The following CTNND2 variants were observed in gnomAD, a reference collection of about 807,000 sequenced individuals.
The protein encoded by CTNND2 is catenin delta-2.
In CTNND2, 22 loss-of-function variants were observed where a neutral mutation model predicts 144.4. That is an observed-to-expected ratio of 0.15 (90% CI 0.11 to 0.22). The LOEUF is 0.22. Ranked by LOEUF, CTNND2 falls within the 10% of genes least tolerant of loss-of-function variation. CTNND2 has a pLI of 1.00. For synonymous variants in CTNND2, 751 were observed against 695.6 expected (o/e 1.08, Z -1.25); for missense variants, 1,353 against 1,618.8 (o/e 0.84, Z 2.82).
intron 16 of CTNND2, among the ~76,000 whole-genome samples, chr5:11,052,873 G>C (rs1402947450): frequency 6.6e-6 from 1 of 152,016 alleles, no homozygotes; most frequent in Non-Finnish European, 1.5e-5. Flanking sequence ...AACACTTCGG[G>C]TTTGTATATT....
intron 9 of CTNND2, among the ~76,000 whole-genome samples, chr5:11,240,202 C>CCCA (rs1561074036): frequency 3.0e-5 from 4 of 133,502 alleles, no homozygotes; most frequent in African/African-American, 2.8e-5. Context: ...CACACACACA[C>CCCA]ACACCCCCAA....
At chr5:11,180,190 C>G (rs1212209012) in intron 11 of CTNND2, among the ~76,000 whole-genome samples, 1 of 152,010 alleles carries the variant, frequency 6.6e-6, no homozygotes, top group Non-Finnish European at 1.5e-5. Context: ...CTCATGAGAT[C>G]CAGTGGTTTT....
chr5:11,431,860 G>C (rs568291929), intron 3 of CTNND2, among the ~76,000 whole-genome samples: 2 of 152,244 alleles, frequency 1.3e-5, no homozygotes, highest in South Asian at 4.1e-4. Flanking sequence ...GTTTGGTAAA[G>C]AATGGTAGAT....
At chr5:11,249,311 G>A (rs1201590259) in intron 9 of CTNND2, among the ~76,000 whole-genome samples, 14 of 152,200 alleles carry the variant, frequency 9.2e-5, no homozygotes, top group African/African-American at 3.4e-4. Flanking sequence ...TGGGCTTATT[G>A]CTCGTAATAA....
chr5:11,678,474 G>A (rs571678416), intron 2 of CTNND2, among the ~76,000 whole-genome samples: 12 of 152,236 alleles, frequency 7.9e-5, no homozygotes, highest in African/African-American at 2.4e-4. Context: ...CAATGCTGAC[G>A]ATGGAGTCTT....
chr5:11,418,237 T>C (rs1762070550), intron 3 of CTNND2, among the ~76,000 whole-genome samples: 1 of 151,822 alleles, frequency 6.6e-6, no homozygotes, highest in Non-Finnish European at 1.5e-5. Flanking sequence ...AGAAACCCCA[T>C]CTCTACTAAA....
At chr5:11,156,903 A>T (rs1251820168) in intron 12 of CTNND2, among the ~76,000 whole-genome samples, 1 of 152,182 alleles carries the variant, frequency 6.6e-6, no homozygotes, top group Non-Finnish European at 1.5e-5. Context: ...TTATCTCTGG[A>T]AGCAAATTTA....
At chr5:11,799,640 T>TC (rs1480244607) in intron 1 of CTNND2, among the ~76,000 whole-genome samples, 2 of 152,084 alleles carry the variant, frequency 1.3e-5, no homozygotes, top group Non-Finnish European at 2.9e-5. Flanking sequence ...TTATGAAATA[T>TC]CCCCCCCTTG....
At position 11,364,735 on chromosome 5, in the gene CTNND2, G is replaced by C. The variant is rs1037334305; in HGVS notation, c.1333C>G (p.Leu445Val). The change falls in exon 8 of 22, where the codon CTG (leucine) becomes GTG (valine). Residue 445 changes from leucine (L) to valine (V), a missense_variant. By Grantham distance (32) the Leu-to-Val change is conservative. Coordinates refer to ENST00000304623, the MANE Select transcript of CTNND2 (RefSeq NM_001332.4). ...TAGGTGCCGGTGTGTGCTGGCGGCA[G>C]AGGGTCCCCCTGGCTCTGGCTGAGA... Reference protein sequence around the residue: ...RSLSQSQGDPLPPAHTGTYRT... With the variant: ...RSLSQSQGDPVPPAHTGTYRT... 11 of 1,613,882 alleles carry C rather than the reference G, an allele frequency of 6.8e-6. No homozygotes were observed. The highest frequency in any genetic ancestry group is 8.5e-6 in the Non-Finnish European group (10 of 1,179,954).
rs546613959 is a variant in CTNND2 at position 11,333,947 on chromosome 5, G to A, written c.1628+12425C>T. 6.6e-5 allele frequency among the ~76,000 whole-genome samples: 10 copies of A among 152,262 alleles called. No homozygotes were observed. The East Asian group carries it at 9.6e-4, about 15-fold the overall frequency. On this transcript the variant is annotated intron_variant, in intron 9 of 21. Transcript: ENST00000304623. Reference sequence around the variant, plus strand: ...AGAAAGGTGTGAACCCCAGGAGACCGGGGTCATTGCGGCCATCCTACCACA... The same window carrying A: ...AGAAAGGTGTGAACCCCAGGAGACCAGGGTCATTGCGGCCATCCTACCACA...
chr5:11,531,472 A>G (rs1445636053), intron 3 of CTNND2, among the ~76,000 whole-genome samples: 1 of 152,124 alleles, frequency 6.6e-6, no homozygotes, highest in African/African-American at 2.4e-5. Context: ...CTAAAAATAC[A>G]AAAATTACCC....
intron 8 of CTNND2, among the ~76,000 whole-genome samples, chr5:11,359,226 A>G (rs1756199496): frequency 6.6e-6 from 1 of 152,212 alleles, no homozygotes; most frequent in Non-Finnish European, 1.5e-5. Context: ...ATCTCACATG[A>G]AATGTATATT....
At chr5:11,691,763 T>G (rs1298223492) in intron 2 of CTNND2, among the ~76,000 whole-genome samples, 1 of 152,072 alleles carries the variant, frequency 6.6e-6, no homozygotes, top group Non-Finnish European at 1.5e-5. Context: ...GGATGTGGTG[T>G]TGTGCACATG....
chr5:11,766,578 T>C (rs568309686), intron 1 of CTNND2, among the ~76,000 whole-genome samples: 1 of 152,308 alleles, frequency 6.6e-6, no homozygotes, highest in East Asian at 1.9e-4. Context: ...CACATAGAAC[T>C]GTAAGTCCAC....
In CTNND2 at chr5:11,809,807, T is replaced by C. The variant is rs576666840; in HGVS notation, c.38-77535A>G. ...AAATGCATGGTGCAGCCAGTGATGATTGAAAGGGTACAGGGCATCTGAGAA... is the reference window on the plus strand; with the variant it reads ...AAATGCATGGTGCAGCCAGTGATGACTGAAAGGGTACAGGGCATCTGAGAA... On this transcript the variant is annotated intron_variant, in intron 1 of 21. Coordinates refer to ENST00000304623, the MANE Select transcript of CTNND2 (RefSeq NM_001332.4). Among the ~76,000 whole-genome samples the C allele has an allele frequency of 1.4e-4, 22 of 152,300 alleles. 1 individual carries two copies. The South Asian group carries it at 3.5e-3, about 24-fold the overall frequency.
At chr5:11,809,129 A>G (rs1407174633) in intron 1 of CTNND2, among the ~76,000 whole-genome samples, 1 of 152,238 alleles carries the variant, frequency 6.6e-6, no homozygotes, top group Non-Finnish European at 1.5e-5. Flanking sequence ...AATAAGGATG[A>G]CAAATGTGGA....
rs370533955 is a variant in CTNND2 at position 11,087,184 on chromosome 5, A to C, written c.2638-4338T>G. Among the ~76,000 whole-genome samples, 19 of 152,336 alleles carry C rather than the reference A, an allele frequency of 1.2e-4. No homozygotes were observed. The East Asian group carries it at 1.7e-3, about 14-fold the overall frequency. On this transcript the variant is annotated intron_variant, in intron 15 of 21. Coordinates refer to ENST00000304623, the MANE Select transcript of CTNND2 (RefSeq NM_001332.4). ...CAAACTCTTCCAATGAAAAATACAT[A>C]CAATGAATTTGGTACAAATGGCATG...
chr5:11,299,981 C>T (rs991495806), intron 9 of CTNND2, among the ~76,000 whole-genome samples: 3 of 152,184 alleles, frequency 2.0e-5, no homozygotes, highest in Non-Finnish European at 4.4e-5. Context: ...CATGTGAATA[C>T]ATTACACATG....
intron 9 of CTNND2, among the ~76,000 whole-genome samples, chr5:11,242,536 C>A (rs1378427019): frequency 1.3e-5 from 2 of 152,174 alleles, no homozygotes; most frequent in Admixed American, 6.6e-5. Context: ...TTGGATGGCA[C>A]CCGTGGAAGG....
Sources: gnomAD v4.1 joint callset for allele counts (sites outside exome capture counted in the v4.1 genomes callset) on GRCh38, gnomAD v4.1.1 for gene constraint, MANE v1.5 for transcripts, NCBI Gene and HGNC (gene_info 2026-07-23, HGNC 2026-07-21) for gene names.